Variants in MUSK observed in about 807,000 individuals in gnomAD.
MUSK encodes muscle, skeletal receptor tyrosine-protein kinase.
In MUSK, 55 loss-of-function variants were observed where a neutral mutation model predicts 88.7. That is an observed-to-expected ratio of 0.62 (90% CI 0.50 to 0.78). The LOEUF (loss-of-function observed/expected upper bound fraction) is 0.78. Ranked by LOEUF, MUSK falls within the 30% of genes least tolerant of loss-of-function variation. MUSK has a pLI of 0.00. For missense variants in MUSK, 1,015 were observed against 1,074.3 expected (o/e 0.94, Z 0.77); for synonymous variants, 387 against 391.9 (o/e 0.99, Z 0.15).
At chr9:110,697,513 C>T (rs1223876418) in intron 5 of MUSK, 47 bp downstream of exon 5, 13 of 1,579,796 alleles carry the variant, frequency 8.2e-6, no homozygotes, top group Admixed American at 1.7e-5. Context: ...AGGGGCCTCA[C>T]TGTCTACTGT....
At chr9:110,714,548 A>G (rs2076720776) in intron 5 of MUSK, among the ~76,000 whole-genome samples, 1 of 152,148 alleles carries the variant, frequency 6.6e-6, no homozygotes, top group South Asian at 2.1e-4. Context: ...CCCTGCTTCA[A>G]AGCAGACAGA....
At chr9:110,770,682 G>A (rs532706053) in intron 9 of MUSK, among the ~76,000 whole-genome samples, 1 of 151,102 alleles carries the variant, frequency 6.6e-6, no homozygotes, top group African/African-American at 2.4e-5. Context: ...TAGGAGTATG[G>A]TATGCCATTC....
rs1303301697 is a variant in MUSK at position 110,804,900 on chromosome 9, C to T, written c.*3912C>T. On this transcript the variant is annotated 3_prime_UTR_variant, in exon 15 of 15. Coordinates refer to ENST00000374448, the MANE Select transcript of MUSK (RefSeq NM_005592.4). ...TAGGTAAATAGATAGATAGATGATA[C>T]ATAGAGAGAGATAGATAGATAATTT... Among the ~76,000 whole-genome samples, 1 of 151,740 alleles carries T rather than the reference C, an allele frequency of 6.6e-6. No homozygotes were observed. The highest frequency in any genetic ancestry group is 2.4e-5 in the African/African-American group (1 of 41,370).
intron 5 of MUSK, among the ~76,000 whole-genome samples, chr9:110,707,660 C>G (rs2076616320): frequency 6.6e-6 from 1 of 152,158 alleles, no homozygotes; most frequent in Non-Finnish European, 1.5e-5. Flanking sequence ...TCAGCAATTG[C>G]TGGTGGGAAG....
At chr9:110,692,344 CT>C (rs764256704) in intron 3 of MUSK, among the ~76,000 whole-genome samples, 5 of 151,470 alleles carry the variant, frequency 3.3e-5, no homozygotes, top group Non-Finnish European at 4.4e-5. Flanking sequence ...TATTTATTTA[CT>C]TTTTTTTGGT....
At chr9:110,693,655 C>G (rs1224815283) in intron 3 of MUSK, among the ~76,000 whole-genome samples, 1 of 152,210 alleles carries the variant, frequency 6.6e-6, no homozygotes, top group Non-Finnish European at 1.5e-5. Flanking sequence ...ACTTTACATT[C>G]AATTTCCCAA....
chr9:110,755,206 G>C (rs2077295634), intron 7 of MUSK, among the ~76,000 whole-genome samples: 1 of 152,108 alleles, frequency 6.6e-6, no homozygotes, highest in Non-Finnish European at 1.5e-5. Context: ...ATTTCACAAA[G>C]AAATCCAGCT....
At chr9:110,733,015 A>C (rs932337795) in intron 5 of MUSK, among the ~76,000 whole-genome samples, 1 of 152,144 alleles carries the variant, frequency 6.6e-6, no homozygotes, top group Non-Finnish European at 1.5e-5. Context: ...GTATCTCCTT[A>C]TGTAGCACAT....
At chr9:110,724,324 T>C (rs1410011891) in intron 5 of MUSK, among the ~76,000 whole-genome samples, 1 of 152,028 alleles carries the variant, frequency 6.6e-6, no homozygotes, top group East Asian at 1.9e-4. Flanking sequence ...GAAATTATGA[T>C]TTGCCACTGT....
At chr9:110,688,998 A>G (rs1030479975) in intron 3 of MUSK, among the ~76,000 whole-genome samples, 7 of 143,998 alleles carry the variant, frequency 4.9e-5, no homozygotes, top group African/African-American at 1.5e-4. Flanking sequence ...ATATATACTT[A>G]AATATATAAA....
At chr9:110,740,343 T>C (rs1309028053) in intron 6 of MUSK, among the ~76,000 whole-genome samples, 3 of 152,142 alleles carry the variant, frequency 2.0e-5, no homozygotes, top group African/African-American at 4.8e-5. Context: ...AAGGCCTCTC[T>C]TCCTGGCTTG....
At position 110,723,180 on chromosome 9, in the gene MUSK, T is replaced by TACAC. The variant is rs563158105; in HGVS notation, c.629-11065_629-11062dup. 6.7e-3 allele frequency among the ~76,000 whole-genome samples: 1,001 copies of TACAC among 149,872 alleles called. 7 individuals carry two copies. Among genetic ancestry groups the TACAC allele is most frequent in the South Asian group, 0.019 (91 of 4,752 alleles). On this transcript the variant is annotated intron_variant, in intron 5 of 14. Coordinates refer to ENST00000374448, the MANE Select transcript of MUSK (RefSeq NM_005592.4). ...ATAAAGAAAATGTGAGACATATAAA[T>TACAC]ACACACACATACATACATATACACA...
intron 8 of MUSK, among the ~76,000 whole-genome samples, chr9:110,764,649 C>G (rs2077451885): frequency 7.0e-6 from 1 of 142,754 alleles, no homozygotes; most frequent in African/African-American, 2.5e-5. Flanking sequence ...GTAGGTAGAT[C>G]ATCGGTCTTG....
At chr9:110,776,578 ATG>A (rs2077674841) in intron 10 of MUSK, 52 bp from the exon 11 acceptor site, 1 of 1,397,690 alleles carries the variant, frequency 7.2e-7, no homozygotes, top group African/African-American at 1.4e-5. Flanking sequence ...CTCACAGAAT[ATG>A]TGAGATATCT....
At chr9:110,778,813 AT>A (rs2077707888) in intron 11 of MUSK, among the ~76,000 whole-genome samples, 2 of 152,190 alleles carry the variant, frequency 1.3e-5, no homozygotes, top group South Asian at 4.1e-4. Flanking sequence ...AGCTTAACTG[AT>A]TGTTTAACTG....
chr9:110,703,486 C>T (rs1225317326), intron 5 of MUSK, among the ~76,000 whole-genome samples: 2 of 151,508 alleles, frequency 1.3e-5, no homozygotes, highest in East Asian at 3.9e-4. Flanking sequence ...GCCAAGATTG[C>T]ACCACTACAC....
rs2078124369 is a variant in MUSK at position 110,803,612 on chromosome 9, T to C, written c.*2624T>C. ...TATATCTATATTTTATTCTATTAAC[T>C]TCCTAAGTCTTTTTAATGAATAGCA... On this transcript the variant is annotated 3_prime_UTR_variant, in exon 15 of 15. Coordinates refer to ENST00000374448, the MANE Select transcript of MUSK (RefSeq NM_005592.4). Among the ~76,000 whole-genome samples the C allele has an allele frequency of 6.6e-6, 1 of 152,262 alleles. No individual in the cohort carries two copies. The highest frequency in any genetic ancestry group is 2.1e-4 in the South Asian group (1 of 4,832).
rs2131956229 is a variant in MUSK, at chr9:110,767,971, G to A, written c.1072G>A (p.Glu358Lys). ...QELLVHTAWN[E>K]LKVVSPVCRP... ...GCTACTGGTCCACACGGCCTGGAAT[G>A]AACTGAAAGTAGTGAGCCCAGTCTG... The change falls in exon 9 of 15, where the codon GAA (glutamate) becomes AAA (lysine). Residue 358 changes from glutamate (E) to lysine (K), a missense_variant. Coordinates refer to ENST00000374448, the MANE Select transcript of MUSK (RefSeq NM_005592.4). 6.2e-7 allele frequency: 1 copy of A among 1,613,954 alleles called. No homozygotes were observed. Among genetic ancestry groups the A allele is most frequent in the Non-Finnish European group, 8.5e-7 (1 of 1,179,878 alleles).
rs2078127918 is a variant in MUSK, at chr9:110,803,992, T to G, written c.*3004T>G. 6.6e-6 allele frequency among the ~76,000 whole-genome samples: 1 copy of G among 152,160 alleles called. No homozygotes were observed. Among genetic ancestry groups the G allele is most frequent in the Admixed American group, 6.5e-5 (1 of 15,280 alleles). On this transcript the variant is annotated 3_prime_UTR_variant, in exon 15 of 15. Transcript: ENST00000374448. ...CAAACATGGTAAGATACCAGAGTAT[T>G]TTTCACATGACACCCAAAAACATAT...
Sources: gnomAD v4.1 joint callset for allele counts (sites outside exome capture counted in the v4.1 genomes callset) on GRCh38, gnomAD v4.1.1 for gene constraint, MANE v1.5 for transcripts, NCBI Gene and HGNC (gene_info 2026-07-23, HGNC 2026-07-21) for gene names.